PALM2AKAP2: variants seen among roughly 807,000 people sequenced by gnomAD.
The protein encoded by PALM2AKAP2 is PALM2 and AKAP2 fusion.
PALM2AKAP2 carries 37 observed loss-of-function variants against 71.5 expected under a neutral mutation model. The observed-to-expected ratio is 0.52, with a 90% CI of 0.40 to 0.68. The LOEUF (loss-of-function observed/expected upper bound fraction) is 0.68, where lower values mean the gene tolerates loss of function less well. Among genes scored for constraint, PALM2AKAP2 ranks in the 30% least tolerant of loss-of-function variants. The probability of loss-of-function intolerance (pLI) is 0.00; values close to 1 mark genes in which losing one functional copy is unlikely to be tolerated. For synonymous variants in PALM2AKAP2, 468 were observed against 478.8 expected (o/e 0.98, Z 0.29); for missense variants, 1,224 against 1,191.8 (o/e 1.03, Z -0.40).
intron 6 of PALM2AKAP2, among the ~76,000 whole-genome samples, chr9:109,955,419 T>C (rs557432232): frequency 6.6e-6 from 1 of 152,312 alleles, no homozygotes; most frequent in South Asian, 2.1e-4. Flanking sequence ...GTATCCTGTG[T>C]TTCATGGTAA....
rs569342044 is a variant in PALM2AKAP2, at chr9:110,170,392, G to A, written c.*1895G>A. 2.4e-4 allele frequency: 37 copies of A among 152,654 alleles called. 1 individual carries two copies. In the South Asian group the frequency reaches 6.8e-3, roughly 28 times the overall value. The allele number at this position is 152,654 out of a possible 1,614,324, so 9.5% of individuals were successfully genotyped here. On this transcript the variant is annotated 3_prime_UTR_variant, in exon 4 of 4. Transcript: ENST00000374525. ...ACAAAATTTGTATGTAGATGTTAACGCACATTTCCTTTGCTTCTTTTATTA... is the reference window on the plus strand; with the variant it reads ...ACAAAATTTGTATGTAGATGTTAACACACATTTCCTTTGCTTCTTTTATTA...
chr9:109,901,061 G>T (rs1830321931), intron 3 of PALM2AKAP2, among the ~76,000 whole-genome samples: 4 of 152,190 alleles, frequency 2.6e-5, no homozygotes, highest in Admixed American at 1.3e-4. Flanking sequence ...AATGTACCTG[G>T]ATATCATTAG....
chr9:109,780,255 C>T (rs1292073123), upstream of PALM2AKAP2: 80 of 1,142,832 alleles, frequency 7.0e-5, no homozygotes, highest in East Asian at 3.4e-3. Context: ...ATGCAGTGAG[C>T]GGCGGCGCTG....
intron 1 of PALM2AKAP2, among the ~76,000 whole-genome samples, chr9:109,755,524 C>T (rs58768643): frequency 0.3 from 46,277 of 151,926 alleles, 7,197 homozygotes; most frequent in Middle Eastern, 0.4. Flanking sequence ...AAACAGCCCA[C>T]AGCCAGGTGT....
intron 1 of PALM2AKAP2, among the ~76,000 whole-genome samples, chr9:109,680,185 A>G (rs1282828797): frequency 1.3e-5 from 2 of 152,110 alleles, no homozygotes; most frequent in Non-Finnish European, 2.9e-5. Context: ...CCCACCTAGG[A>G]TATATATGGT....
chr9:109,963,665 G>C lies in PALM2AKAP2; in HGVS notation c.496+31637G>C, dbSNP rs185050079. Among the ~76,000 whole-genome samples the C allele has an allele frequency of 1.4e-3, 213 of 152,234 alleles. 1 individual carries two copies. Among genetic ancestry groups the C allele is most frequent in the African/African-American group, 4.8e-3 (199 of 41,548 alleles). On this transcript the variant is annotated intron_variant, in intron 6 of 9. Transcript: ENST00000302798. Reference sequence around the variant, plus strand: ...TTTCTAAGGGGTGAGGAGTCTTTGGGCCAAGGTGACTTGCCTGCTCCCTAC... The same window carrying C: ...TTTCTAAGGGGTGAGGAGTCTTTGGCCCAAGGTGACTTGCCTGCTCCCTAC...
intron 1 of PALM2AKAP2, among the ~76,000 whole-genome samples, chr9:109,785,196 T>C (rs982511278): frequency 3.9e-5 from 6 of 152,226 alleles, no homozygotes; most frequent in Non-Finnish European, 7.3e-5. Flanking sequence ...TGTGCGGAAA[T>C]AGGAAATGCT....
upstream of PALM2AKAP2, among the ~76,000 whole-genome samples, chr9:110,048,199 G>T (rs1347048275): frequency 6.6e-6 from 1 of 152,200 alleles, no homozygotes; most frequent in Non-Finnish European, 1.5e-5. Context: ...GACAGTCGTG[G>T]TGCTAGGTAA....
chr9:109,663,022 A>G (rs761242729), intron 1 of PALM2AKAP2, among the ~76,000 whole-genome samples: 24 of 152,008 alleles, frequency 1.6e-4, no homozygotes, highest in Admixed American at 3.3e-4. Flanking sequence ...TATCCCCTTT[A>G]TCATTTTTTT....
chr9:109,863,854 TG>T (rs374628365), intron 1 of PALM2AKAP2, among the ~76,000 whole-genome samples: 47 of 152,196 alleles, frequency 3.1e-4, no homozygotes, highest in African/African-American at 1.1e-3. Context: ...CTGAGGTGGG[TG>T]GATCACCTGA....
chr9:109,646,601 A>G (rs1412745884), intron 1 of PALM2AKAP2, among the ~76,000 whole-genome samples: 3 of 150,310 alleles, frequency 2.0e-5, no homozygotes, highest in African/African-American at 7.2e-5. Context: ...CAGTAGGGAC[A>G]TTAAGTTACA....
chr9:109,981,312 C>A (rs1437344334), intron 6 of PALM2AKAP2, among the ~76,000 whole-genome samples: 2 of 152,150 alleles, frequency 1.3e-5, no homozygotes, highest in Non-Finnish European at 2.9e-5. Context: ...TTAGGTTTTA[C>A]TGATGTGTGC....
intron 1 of PALM2AKAP2, among the ~76,000 whole-genome samples, chr9:109,657,487 A>G (rs1827324288): frequency 1.0e-5 from 1 of 99,432 alleles, no homozygotes; most frequent in Non-Finnish European, 2.1e-5. Context: ...TGTAAAATCA[A>G]TGGAGGGTCT....
chr9:110,073,910 A>G (rs1343642510), intron 1 of PALM2AKAP2, among the ~76,000 whole-genome samples: 3 of 152,292 alleles, frequency 2.0e-5, no homozygotes, highest in African/African-American at 7.2e-5. Flanking sequence ...ACACAGCTTC[A>G]TGTGTCTTCC....
chr9:110,090,497 G>T (rs1203203056), intron 1 of PALM2AKAP2: 1 of 452,152 alleles, frequency 2.2e-6, no homozygotes, highest in African/African-American at 2.0e-5. Context: ...GCTCATTAAG[G>T]CACATTTCTC....
intron 1 of PALM2AKAP2, among the ~76,000 whole-genome samples, chr9:109,844,172 T>A (rs1405082223): frequency 6.6e-6 from 1 of 152,222 alleles, no homozygotes; most frequent in Admixed American, 6.5e-5. Flanking sequence ...TATTTAATTT[T>A]CACAGCAACC....
At chr9:110,160,043 A>G (rs1836557157) in intron 3 of PALM2AKAP2, among the ~76,000 whole-genome samples, 1 of 152,164 alleles carries the variant, frequency 6.6e-6, no homozygotes, top group African/African-American at 2.4e-5. Context: ...CCTCTTGGCT[A>G]ATTCTGAGGG....
At chr9:109,748,325 C>T (rs1034646306) in intron 1 of PALM2AKAP2, among the ~76,000 whole-genome samples, 1 of 152,116 alleles carries the variant, frequency 6.6e-6, no homozygotes, top group Non-Finnish European at 1.5e-5. Flanking sequence ...ATGAACAGCC[C>T]AGTTTCTCAT....
chr9:109,863,295 G>A (rs770794652), intron 1 of PALM2AKAP2, among the ~76,000 whole-genome samples: 21 of 152,220 alleles, frequency 1.4e-4, no homozygotes, highest in Non-Finnish European at 2.8e-4. Flanking sequence ...AGCAAAAGAT[G>A]TGGAAACTGG....
Sources: gnomAD v4.1 joint callset for allele counts (sites outside exome capture counted in the v4.1 genomes callset) on GRCh38, gnomAD v4.1.1 for gene constraint, MANE v1.5 for transcripts, NCBI Gene and HGNC (gene_info 2026-07-23, HGNC 2026-07-21) for gene names.